F13A1: variants seen among roughly 807,000 people sequenced by gnomAD.
F13A1 encodes the protein FSF, A subunit.
Under a neutral mutation model 80.1 loss-of-function variants are expected in F13A1, and 47 were observed. That is an observed-to-expected ratio of 0.59 (90% CI 0.46 to 0.75). The LOEUF (loss-of-function observed/expected upper bound fraction) is 0.75. Among genes scored for constraint, F13A1 ranks in the 30% least tolerant of loss-of-function variants. The pLI, the probability that F13A1 is intolerant of heterozygous loss-of-function variation, is 0.00. For synonymous variants in F13A1, 349 were observed against 344.9 expected, an observed-to-expected ratio of 1.01 and a Z score of -0.13; for missense variants, 817 against 930.4, an observed-to-expected ratio of 0.88 and a Z score of 1.59.
intron 6 of F13A1, among the ~76,000 whole-genome samples, chr6:6,238,715 C>CATATATATATATATATGTAT (rs1757446281): frequency 1.4e-5 from 2 of 145,990 alleles, no homozygotes; most frequent in African/African-American, 5.1e-5. Flanking sequence ...AAACATGCTG[C>CATATATATATATATATGTAT]ATATATATAT....
At chr6:6,317,463 G>C in intron 2 of F13A1, among the ~76,000 whole-genome samples, 1 of 151,932 alleles carries the variant, frequency 6.6e-6, no homozygotes, top group East Asian at 1.9e-4. Flanking sequence ...TCCCAAACTT[G>C]GATGGTACTG....
chr6:6,191,094 G>A (rs1455524544), intron 10 of F13A1, among the ~76,000 whole-genome samples: 1 of 152,242 alleles, frequency 6.6e-6, no homozygotes, highest in African/African-American at 2.4e-5. Context: ...CGCGCACGGT[G>A]CGTGCACCCA....
chr6:6,248,374 C>G lies in F13A1; in HGVS notation c.736G>C (p.Ala246Pro). The G allele has an allele frequency of 1.2e-6, 2 of 1,613,920 alleles. No homozygotes were observed. The highest frequency in any genetic ancestry group is 1.7e-6 in the Non-Finnish European group (2 of 1,179,872). ...CCTCTTCCAGAGAGGTCCATTTGTGCTCTGTCCATCACATACAGGCAAGTG... is the reference window on the plus strand; with the variant it reads ...CCTCTTCCAGAGAGGTCCATTTGTGGTCTGTCCATCACATACAGGCAAGTG... ...LDTCLYVMDR[A>P]QMDLSGRGNP... The change falls in exon 6 of 15, where the codon GCA (alanine) becomes CCA (proline). Residue 246 changes from alanine to proline, a missense_variant. Physicochemically the swap from Ala to Pro is conservative, Grantham distance 27. Coordinates refer to ENST00000264870, the MANE Select transcript of F13A1 (RefSeq NM_000129.4).
chr6:6,252,165 A>G (rs1258921035), intron 4 of F13A1, among the ~76,000 whole-genome samples: 1 of 152,266 alleles, frequency 6.6e-6, no homozygotes, highest in African/African-American at 2.4e-5. Context: ...AGTTTCAGCC[A>G]TAAGTTTGTG....
chr6:6,236,549 C>A (rs765009696), intron 6 of F13A1, among the ~76,000 whole-genome samples: 16 of 151,954 alleles, frequency 1.1e-4, no homozygotes, highest in Non-Finnish European at 2.4e-4. Flanking sequence ...GTAGCGCAGA[C>A]CTTTACATTT....
intron 8 of F13A1, among the ~76,000 whole-genome samples, chr6:6,215,172 T>C (rs985103752): frequency 2.3e-5 from 3 of 131,846 alleles, no homozygotes; most frequent in African/African-American, 8.1e-5. Flanking sequence ...CCTCCCTAAC[T>C]CATTTTATGA....
At chr6:6,255,160 A>G (rs1757686177) in intron 4 of F13A1, among the ~76,000 whole-genome samples, 1 of 152,088 alleles carries the variant, frequency 6.6e-6, no homozygotes, top group Admixed American at 6.5e-5. Context: ...CACTGTATGG[A>G]CATTGCCGTT....
At chr6:6,240,947 A>G (rs1029727791) in intron 6 of F13A1, among the ~76,000 whole-genome samples, 1 of 152,144 alleles carries the variant, frequency 6.6e-6, no homozygotes, top group African/African-American at 2.4e-5. Flanking sequence ...GTAATTTAGT[A>G]CTTTACTCTG....
chr6:6,190,827 CT>C (rs1452770874), intron 10 of F13A1, among the ~76,000 whole-genome samples: 1 of 152,124 alleles, frequency 6.6e-6, no homozygotes, highest in Non-Finnish European at 1.5e-5. Flanking sequence ...CCCAGCCTCG[CT>C]GCCGCCTTGC....
chr6:6,243,250 T>C lies in F13A1; in HGVS notation c.798+5062A>G, dbSNP rs1351707485. ...ACCGTCACCATCTCCACCACCACCATCACCATCATCATCACTATCACCACC... is the reference window on the plus strand; with the variant it reads ...ACCGTCACCATCTCCACCACCACCACCACCATCATCATCACTATCACCACC... On this transcript the variant is annotated intron_variant, in intron 6 of 14. Coordinates refer to ENST00000264870, the MANE Select transcript of F13A1 (RefSeq NM_000129.4). This position sits in a 1 kb window ranked among gnomAD's most constrained non-coding sequence, Gnocchi z 4.2. 6.7e-6 allele frequency among the ~76,000 whole-genome samples: 1 copy of C among 150,140 alleles called. No individual in the cohort carries two copies. Among genetic ancestry groups the C allele is most frequent in the African/African-American group, 2.5e-5 (1 of 40,620 alleles).
intron 13 of F13A1, among the ~76,000 whole-genome samples, chr6:6,155,789 G>A (rs1760464428): frequency 6.6e-6 from 1 of 152,156 alleles, no homozygotes; most frequent in Non-Finnish European, 1.5e-5. Context: ...CCTACAAAAT[G>A]CTGAGAACAA....
chr6:6,203,030 T>G (rs1233504668), intron 8 of F13A1, among the ~76,000 whole-genome samples: 1 of 152,208 alleles, frequency 6.6e-6, no homozygotes, highest in Non-Finnish European at 1.5e-5. Flanking sequence ...GTGTGTTATG[T>G]AAGAATGTTC....
intron 10 of F13A1, among the ~76,000 whole-genome samples, chr6:6,192,823 TGTGA>T (rs1403193756): frequency 2.6e-5 from 4 of 152,254 alleles, no homozygotes; most frequent in African/African-American, 7.2e-5. Flanking sequence ...TGTGTGTGTA[TGTGA>T]GTGAGTTTGG....
chr6:6,281,523 G>A (rs1183886835), intron 3 of F13A1, among the ~76,000 whole-genome samples: 1 of 152,136 alleles, frequency 6.6e-6, no homozygotes, highest in Non-Finnish European at 1.5e-5. Flanking sequence ...CAGTTAAGAT[G>A]TCATTACACC....
chr6:6,220,697 C>T (rs533467211), intron 8 of F13A1, among the ~76,000 whole-genome samples: 1 of 152,148 alleles, frequency 6.6e-6, no homozygotes, highest in Admixed American at 6.5e-5. Flanking sequence ...TTTTGTCATC[C>T]CATATACATG....
chr6:6,256,609 G>T (rs1012810105), intron 4 of F13A1, among the ~76,000 whole-genome samples: 4 of 152,130 alleles, frequency 2.6e-5, no homozygotes, highest in African/African-American at 9.7e-5. Context: ...TGGAAGGGTA[G>T]TTAAAAAAGA....
At chr6:6,149,862 A>G (rs1204368194) in intron 14 of F13A1, among the ~76,000 whole-genome samples, 2 of 152,340 alleles carry the variant, frequency 1.3e-5, no homozygotes, top group South Asian at 2.1e-4. Flanking sequence ...TCTGTGTCCA[A>G]GAAGGGACTG....
chr6:6,154,784 A>G (rs894627538), intron 13 of F13A1, among the ~76,000 whole-genome samples: 1 of 152,254 alleles, frequency 6.6e-6, no homozygotes, highest in African/African-American at 2.4e-5. Context: ...GAAACATTTC[A>G]AAAACATCTT....
At chr6:6,257,613 C>A (rs1227994024) in intron 4 of F13A1, among the ~76,000 whole-genome samples, 1 of 152,154 alleles carries the variant, frequency 6.6e-6, no homozygotes, top group Admixed American at 6.5e-5. Flanking sequence ...TGAGCCTAGA[C>A]CAGAATTTGC....
Sources: gnomAD v4.1 joint callset for allele counts (sites outside exome capture counted in the v4.1 genomes callset) on GRCh38, gnomAD v4.1.1 for gene constraint, Gnocchi (gnomAD v3.1) non-coding constraint, MANE v1.5 for transcripts, NCBI Gene and HGNC (gene_info 2026-07-23, HGNC 2026-07-21) for gene names.